The following XPNPEP3 variants were observed in gnomAD, a reference collection of about 807,000 sequenced individuals.
XPNPEP3 encodes the protein xaa-Pro aminopeptidase 3.
XPNPEP3 carries 41 observed loss-of-function variants against 60.0 expected under a neutral mutation model. That is an observed-to-expected ratio of 0.68 (90% CI 0.53 to 0.89). XPNPEP3 has a LOEUF of 0.89. Among genes scored for constraint, XPNPEP3 ranks in the 40% least tolerant of loss-of-function variants. XPNPEP3 has a pLI of 0.00. For missense variants in XPNPEP3, 598 were observed against 638.9 expected, an observed-to-expected ratio of 0.94 and a Z score of 0.69; for synonymous variants, 212 against 223.2, an observed-to-expected ratio of 0.95 and a Z score of 0.45.
chr22:40,860,948 A>G (rs1244889496), intron 1 of XPNPEP3: 1 of 1,014,824 alleles, frequency 9.9e-7, no homozygotes, highest in Non-Finnish European at 1.4e-6. Flanking sequence ...AAATGTCCAC[A>G]ATCCTGCTAA....
chr22:40,864,241 T>C (rs2057966181), intron 1 of XPNPEP3, among the ~76,000 whole-genome samples: 1 of 152,240 alleles, frequency 6.6e-6, no homozygotes, highest in African/African-American at 2.4e-5. Flanking sequence ...CCATGGCATC[T>C]GTAAACTCTT....
Position 40,931,459 on chromosome 22 carries a change from A to T in XPNPEP3, c.*5024A>T, listed in dbSNP as rs138505458. 3.5e-4 allele frequency: 54 copies of T among 152,330 alleles called. No homozygotes were observed. Among genetic ancestry groups the T allele is most frequent in the African/African-American group, 1.1e-3 (44 of 41,568 alleles). 9.4% of individuals were successfully genotyped at this position (152,330 alleles called of 1,614,324 possible). ...TTGGGTGCAGTGGATCACAGCTATA[A>T]TCCCAGCACTTTGGGAGACCAAGGA... On this transcript the variant is annotated 3_prime_UTR_variant, in exon 10 of 10. Transcript: ENST00000357137.
At position 40,924,383 on chromosome 22, in the gene XPNPEP3, C is replaced by T; in HGVS notation, c.1258C>T (p.His420Tyr). Residue 420 changes from histidine (H) to tyrosine (Y), a missense_variant, in exon 9 of 10, where the codon CAT becomes TAT. By Grantham distance (83) the His-to-Tyr change is moderately conservative. Coordinates refer to ENST00000357137, the MANE Select transcript of XPNPEP3 (RefSeq NM_022098.4). ...CCAGGCTGCTCGAAAATACTGTCCT[C>T]ATCATGTTGGCCACTACCTCGGGAT... ...AFKAARKYCP[H>Y]HVGHYLGMDV... The T allele has an allele frequency of 6.2e-7, 1 of 1,614,164 alleles. No homozygotes were observed. The highest frequency in any genetic ancestry group is 8.5e-7 in the Non-Finnish European group (1 of 1,180,036).
At chr22:40,897,533 C>T (rs1273464714) in intron 4 of XPNPEP3, among the ~76,000 whole-genome samples, 5 of 149,304 alleles carry the variant, frequency 3.3e-5, no homozygotes, top group African/African-American at 1.2e-4. Context: ...GACAGAGTCT[C>T]CATTTGTTCC....
At chr22:40,861,045 T>C (rs755837292) in intron 1 of XPNPEP3, 1 of 1,552,934 alleles carries the variant, frequency 6.4e-7, no homozygotes, top group Non-Finnish European at 8.7e-7. Flanking sequence ...GTTCAAATGT[T>C]ATATATTTGA....
intron 3 of XPNPEP3, among the ~76,000 whole-genome samples, chr22:40,884,799 G>A (rs1243519683): frequency 2.0e-5 from 3 of 151,888 alleles, no homozygotes; most frequent in African/African-American, 7.2e-5. Context: ...GCCAAGGGAG[G>A]TGGATTGCCT....
At position 40,931,834 on chromosome 22, in the gene XPNPEP3, C is replaced by CT. The variant is rs2058255800; in HGVS notation, c.*5405dup. 1 of 152,150 alleles carries CT rather than the reference C, an allele frequency of 6.6e-6. No individual in the cohort carries two copies. The highest frequency in any genetic ancestry group is 2.1e-4 in the South Asian group (1 of 4,832). The allele number at this position is 152,150 out of a possible 1,614,324, so 9.4% of individuals were successfully genotyped here. The stretch of plus-strand genomic sequence containing the variant: ...GTGTGCATCTTCCTTCAAAACCTTG[C>CT]TTTTTTCTCCGTTTTTGTAAGGTGA... On this transcript the variant is annotated 3_prime_UTR_variant, in exon 10 of 10. Coordinates refer to ENST00000357137, the MANE Select transcript of XPNPEP3 (RefSeq NM_022098.4).
intron 4 of XPNPEP3, among the ~76,000 whole-genome samples, chr22:40,901,042 C>T (rs2058130294): frequency 6.6e-6 from 1 of 151,608 alleles, no homozygotes; most frequent in South Asian, 2.1e-4. Context: ...ATCAGTTGAA[C>T]TCAGGAGTTC....
intron 3 of XPNPEP3, among the ~76,000 whole-genome samples, chr22:40,884,170 C>T (rs1389501629): frequency 6.6e-6 from 1 of 152,024 alleles, no homozygotes; most frequent in African/African-American, 2.4e-5. Flanking sequence ...TTTCTTATGT[C>T]TTCAAAATCC....
chr22:40,923,068 C>T (rs1371727256), intron 8 of XPNPEP3, among the ~76,000 whole-genome samples: 1 of 151,996 alleles, frequency 6.6e-6, no homozygotes, highest in Non-Finnish European at 1.5e-5. Context: ...TAAAAGTTAG[C>T]CAGGTGTGGT....
chr22:40,918,907 A>G (rs934753014), intron 7 of XPNPEP3, among the ~76,000 whole-genome samples: 3 of 149,780 alleles, frequency 2.0e-5, no homozygotes, highest in Non-Finnish European at 4.4e-5. Context: ...CAGTGGCGCA[A>G]TCTTGGCTCA....
intron 9 of XPNPEP3, among the ~76,000 whole-genome samples, chr22:40,926,056 A>G (rs1441501726): frequency 6.6e-6 from 1 of 152,182 alleles, no homozygotes; most frequent in African/African-American, 2.4e-5. Flanking sequence ...CCACAATAAT[A>G]ATTTTAGTAA....
intron 1 of XPNPEP3, chr22:40,861,038 C>T: frequency 6.5e-7 from 1 of 1,549,866 alleles, no homozygotes; most frequent in South Asian, 1.3e-5. Flanking sequence ...CAATTGTGTT[C>T]AAATGTTATA....
At chr22:40,868,818 C>G (rs776261371) in intron 1 of XPNPEP3, among the ~76,000 whole-genome samples, 181 bp from the exon 2 acceptor site, 1 of 151,636 alleles carries the variant, frequency 6.6e-6, no homozygotes. Context: ...CTGACTCCAG[C>G]CTGGGTGACA....
intron 4 of XPNPEP3, among the ~76,000 whole-genome samples, chr22:40,904,558 A>C (rs1221953125): frequency 6.6e-6 from 1 of 152,134 alleles, no homozygotes; most frequent in African/African-American, 2.4e-5. Context: ...CTTAAAAAAA[A>C]AATTTTTTTA....
Position 40,882,259 on chromosome 22 carries a change from T to G in XPNPEP3, c.589+82T>G, listed in dbSNP as rs2058051286. On this transcript the variant is annotated intron_variant, in intron 3 of 9. Coordinates refer to ENST00000357137, the MANE Select transcript of XPNPEP3 (RefSeq NM_022098.4). ...TGCCTGTTTAGACAAGTCCTTAATT[T>G]TGTTATCGTAGCACCACCATGAAAA... The G allele has an allele frequency of 3.4e-6, 5 of 1,487,246 alleles. No homozygotes were observed. In the Admixed American group the frequency reaches 8.6e-5, roughly 26 times the overall value. 92.1% of individuals were successfully genotyped at this position (1,487,246 alleles called of 1,614,324 possible).
intron 1 of XPNPEP3, among the ~76,000 whole-genome samples, chr22:40,867,790 G>T (rs2057985981): frequency 1.3e-5 from 2 of 152,040 alleles, no homozygotes; most frequent in South Asian, 2.1e-4. Flanking sequence ...CAAACTGTTG[G>T]AGATGGATAA....
chr22:40,907,689 TG>T (rs2058161785), intron 5 of XPNPEP3, 40 bp downstream of exon 5: 1 of 1,586,638 alleles, frequency 6.3e-7, no homozygotes, highest in African/African-American at 1.3e-5. Flanking sequence ...TTGTTGGAGG[TG>T]AATATAATAA....
intron 4 of XPNPEP3, among the ~76,000 whole-genome samples, chr22:40,901,494 C>T (rs1464699794): frequency 6.6e-6 from 1 of 152,182 alleles, no homozygotes; most frequent in African/African-American, 2.4e-5. Context: ...CTCAGCCTCC[C>T]AAAGTGCTGG....
Sources: allele counts gnomAD v4.1 joint callset (sites outside exome capture counted in the v4.1 genomes callset), GRCh38; gene constraint gnomAD v4.1.1; transcripts MANE v1.5; gene names NCBI Gene and HGNC (gene_info 2026-07-23, HGNC 2026-07-21).